VPS13C: variants seen among roughly 807,000 people sequenced by gnomAD.
VPS13C encodes the protein intermembrane lipid transfer protein VPS13C.
In VPS13C, 358 loss-of-function variants were observed where a neutral mutation model predicts 456.8. The ratio of observed to expected loss-of-function variants is 0.78; its 90% CI spans 0.72 to 0.86. VPS13C has a LOEUF of 0.86. VPS13C is among the 40% of genes least tolerant of loss of function. The pLI is 0.00. For synonymous variants in VPS13C, 1,578 were observed against 1,486.7 expected, an observed-to-expected ratio of 1.06 and a Z score of -1.41; for missense variants, 4,818 against 4,385.4, an observed-to-expected ratio of 1.10 and a Z score of -2.79.
intron 29 of VPS13C, 67 bp from the exon 30 acceptor site, chr15:61,966,209 A>C (rs1034651633): frequency 9.4e-7 from 1 of 1,063,668 alleles, no homozygotes; most frequent in South Asian, 1.6e-5. Context: ...CTTATTTATT[A>C]TCTCTGGTTA....
chr15:62,015,392 C>T (rs143709313), intron 9 of VPS13C, among the ~76,000 whole-genome samples: 42 of 152,020 alleles, frequency 2.8e-4, no homozygotes, highest in African/African-American at 1.0e-3. Context: ...GCTTTTGTTG[C>T]CATTGCTTTT....
chr15:62,016,610 T>C (rs1386005262), intron 9 of VPS13C, among the ~76,000 whole-genome samples: 1 of 152,056 alleles, frequency 6.6e-6, no homozygotes, highest in Non-Finnish European at 1.5e-5. Context: ...CTCATCATTT[T>C]TTATGGCTGC....
intron 35 of VPS13C, among the ~76,000 whole-genome samples, chr15:61,960,651 T>G (rs1403819935): frequency 6.6e-6 from 1 of 152,216 alleles, no homozygotes; most frequent in Non-Finnish European, 1.5e-5. Flanking sequence ...TATGTATATG[T>G]TTATAGATAG....
intron 32 of VPS13C, 69 bp downstream of exon 32, chr15:61,963,766 A>T: frequency 1.8e-6 from 2 of 1,138,118 alleles, no homozygotes; most frequent in South Asian, 2.6e-5. Context: ...ATTCTTTAGC[A>T]TTGCAAAGAG....
At chr15:62,027,724 C>T (rs931396301) in intron 6 of VPS13C, among the ~76,000 whole-genome samples, 3 of 151,866 alleles carry the variant, frequency 2.0e-5, no homozygotes, top group Non-Finnish European at 2.9e-5. Context: ...ATGTAAAATA[C>T]TAAAAAGTAT....
chr15:61,945,785 T>C lies in VPS13C; in HGVS notation c.5078A>G (p.Asp1693Gly), dbSNP rs2044583960. The change falls in exon 45 of 85, where the codon GAC becomes GGC. Residue 1693 changes from aspartate to glycine, a missense_variant. Coordinates refer to ENST00000644861, the MANE Select transcript of VPS13C (RefSeq NM_020821.3). ...ACCCACTTTAAAACTAAGTTTGCCG[T>C]CTACTTTGGACATATCAGCATAGGC... ...GEAYADMSKV[D>G]GKLSFKVGCI... 6.2e-7 allele frequency: 1 copy of C among 1,612,382 alleles called. No homozygotes were observed. Among genetic ancestry groups the C allele is most frequent in the East Asian group, 2.2e-5 (1 of 44,782 alleles).
intron 8 of VPS13C, among the ~76,000 whole-genome samples, chr15:62,022,483 T>G (rs548699966): frequency 6.6e-6 from 1 of 152,062 alleles, no homozygotes; most frequent in South Asian, 2.1e-4. Context: ...CTTAAGCTTG[T>G]TATTAACAAA....
intron 15 of VPS13C, among the ~76,000 whole-genome samples, chr15:62,006,108 T>TA (rs71293976): frequency 0.38 from 57,707 of 151,406 alleles, 12,629 homozygotes; most frequent in Admixed American, 0.51. Context: ...TTATTTTTTT[T>TA]TTATTATTAT....
Position 61,962,385 on chromosome 15 carries a change from G to A in VPS13C, c.3589C>T (p.Leu1197Phe). The A allele has an allele frequency of 1.9e-6, 3 of 1,584,572 alleles. No individual in the cohort carries two copies. Among genetic ancestry groups the A allele is most frequent in the Non-Finnish European group, 8.6e-7 (1 of 1,165,986 alleles). Residue 1197 changes from leucine to phenylalanine, a missense_variant, in exon 34 of 85, where the codon CTT becomes TTT. By Grantham distance (22) the Leu-to-Phe change is conservative. Coordinates refer to ENST00000644861, the MANE Select transcript of VPS13C (RefSeq NM_020821.3). ...AATTATTTTACCAGAAGTGACATAAGGAATTTATGAAGATAGACAATCTGA... is the reference window on the plus strand; with the variant it reads ...AATTATTTTACCAGAAGTGACATAAAGAATTTATGAAGATAGACAATCTGA... Reference protein sequence around the residue: ...CIQIVYLHKFLMSLLNFLNNF... With the variant: ...CIQIVYLHKFFMSLLNFLNNF...
Position 61,951,019 on chromosome 15 carries a change from T to A in VPS13C, c.4462A>T (p.Lys1488Ter). The A allele has an allele frequency of 6.3e-7, 1 of 1,589,918 alleles. No individual in the cohort carries two copies. Among genetic ancestry groups the A allele is most frequent in the Non-Finnish European group, 8.6e-7 (1 of 1,169,542 alleles). ...TTAATAATGTGAAGAGGTTCCCCTT[T>A]AGAGTCTAAAAGAGAAAAAAGACAA... is the stretch of plus-strand genomic sequence containing the variant. ...SMQCFDFTDS[K>*]GEPLHIINSS... Residue 1488 changes from lysine to a stop codon, truncating the protein, a stop_gained, in exon 40 of 85, where the codon AAA becomes TAA. Transcript: ENST00000644861. LOFTEE classifies it high-confidence loss of function.
In VPS13C at chr15:61,963,915, A is replaced by C; in HGVS notation, c.3251T>G (p.Phe1084Cys). ...VSSRDSDIID[F>C]RLFAKLNAFC... The stretch of plus-strand genomic sequence containing the variant: ...AGCATTCAACTTGGCAAATAGCCTG[A>C]AATCAATAATGTCACTATCTCTGGA... Residue 1084 changes from phenylalanine to cysteine, a missense_variant, in exon 32 of 85, where the codon TTC (phenylalanine) becomes TGC (cysteine). This residue lies in a region of VPS13C where 4,552 missense variants were observed against 4,130.6 expected (regional missense o/e 1.10). Transcript: ENST00000644861. The C allele has an allele frequency of 6.2e-7, 1 of 1,611,860 alleles. No individual in the cohort carries two copies. The highest frequency in any genetic ancestry group is 8.5e-7 in the Non-Finnish European group (1 of 1,178,412).
chr15:62,033,395 T>A (rs369738059), intron 5 of VPS13C, 46 bp downstream of exon 5: 1 of 1,266,464 alleles, frequency 7.9e-7, no homozygotes, highest in South Asian at 1.4e-5. Context: ...ATTAATTATA[T>A]CTAAAATATA....
At chr15:61,995,995 CT>C (rs2140437845) in intron 16 of VPS13C, among the ~76,000 whole-genome samples, 1 of 152,302 alleles carries the variant, frequency 6.6e-6, no homozygotes, top group South Asian at 2.1e-4. Context: ...AGCTAAAACC[CT>C]GAGAAAAACT....
At chr15:62,037,876 T>C (rs2048117409) in intron 3 of VPS13C, among the ~76,000 whole-genome samples, 1 of 152,082 alleles carries the variant, frequency 6.6e-6, no homozygotes, top group Non-Finnish European at 1.5e-5. Flanking sequence ...AGAAAATTTA[T>C]CCTGTTTCGA....
chr15:61,982,259 GC>G (rs1329535427), intron 21 of VPS13C, among the ~76,000 whole-genome samples, 199 bp downstream of exon 21: 2 of 152,108 alleles, frequency 1.3e-5, no homozygotes, highest in African/African-American at 4.8e-5. Flanking sequence ...AATCATCTGT[GC>G]CCCATATTAT....
intron 2 of VPS13C, among the ~76,000 whole-genome samples, chr15:62,043,876 T>A (rs895545632): frequency 2.6e-5 from 4 of 152,206 alleles, no homozygotes; most frequent in African/African-American, 7.2e-5. Flanking sequence ...AAATTAGATA[T>A]GTTATTTAAA....
chr15:61,995,441 C>CA (rs1423841193), intron 16 of VPS13C, among the ~76,000 whole-genome samples: 1 of 152,148 alleles, frequency 6.6e-6, no homozygotes, highest in Non-Finnish European at 1.5e-5. Context: ...GCATGACTTG[C>CA]AACTAGTTTC....
chr15:61,864,592 T>C (rs1596266888), intron 81 of VPS13C: 4 of 972,730 alleles, frequency 4.1e-6, no homozygotes, highest in Middle Eastern at 5.3e-4. Context: ...AAATCACATT[T>C]GATATTATTT....
intron 7 of VPS13C, 44 bp downstream of exon 7, chr15:62,023,736 A>G: frequency 6.7e-7 from 1 of 1,501,020 alleles, no homozygotes; most frequent in Non-Finnish European, 9.2e-7. Context: ...ATAAAGTGGC[A>G]ATGTGTATAA....
Sources: allele counts gnomAD v4.1 joint callset (sites outside exome capture counted in the v4.1 genomes callset), GRCh38; gene constraint gnomAD v4.1.1; regional missense constraint gnomAD v4.1.1; transcripts MANE v1.5; gene names NCBI Gene and HGNC (gene_info 2026-07-23, HGNC 2026-07-21).